The following KCNIP4 variants were observed in gnomAD, a reference collection of about 807,000 sequenced individuals.
The protein encoded by KCNIP4 is Kv channel-interacting protein 4.
Under a neutral mutation model 34.0 loss-of-function variants are expected in KCNIP4, and 12 were observed. The ratio of observed to expected loss-of-function variants is 0.35; its 90% CI spans 0.23 to 0.57. The LOEUF (loss-of-function observed/expected upper bound fraction) is 0.57, where lower values mean the gene tolerates loss of function less well. KCNIP4 is among the 20% of genes least tolerant of loss of function. The probability of loss-of-function intolerance (pLI) is 0.83; values close to 1 mark genes in which losing one functional copy is unlikely to be tolerated. For missense variants in KCNIP4, 238 were observed against 311.7 expected, an observed-to-expected ratio of 0.76 and a Z score of 1.78; for synonymous variants, 124 against 102.2, an observed-to-expected ratio of 1.21 and a Z score of -1.29.
intron 1 of KCNIP4, among the ~76,000 whole-genome samples, chr4:21,782,667 C>A: frequency 6.6e-6 from 1 of 152,156 alleles, no homozygotes; most frequent in East Asian, 1.9e-4. Flanking sequence ...CACTGCACTC[C>A]AGCCTGAGAG....
intron 1 of KCNIP4, among the ~76,000 whole-genome samples, chr4:20,922,354 A>C (rs561914678): frequency 6.6e-6 from 1 of 152,226 alleles, no homozygotes; most frequent in South Asian, 2.1e-4. Context: ...AAGGCAAATT[A>C]TTTCTTTCTT....
At chr4:21,077,787 G>A (rs1028703588) in intron 1 of KCNIP4, among the ~76,000 whole-genome samples, 3 of 152,098 alleles carry the variant, frequency 2.0e-5, no homozygotes, top group South Asian at 2.1e-4. Flanking sequence ...TTATTATAAT[G>A]TAATAATTGT....
intron 2 of KCNIP4, among the ~76,000 whole-genome samples, chr4:20,854,974 C>A (rs10516363): frequency 0.46 from 70,439 of 152,030 alleles, 18,888 homozygotes; most frequent in African/African-American, 0.75. Context: ...ATGCTGTGAA[C>A]TTTAATGTAG....
chr4:21,118,528 C>T (rs1286144403), intron 1 of KCNIP4, among the ~76,000 whole-genome samples: 2 of 152,166 alleles, frequency 1.3e-5, no homozygotes, highest in Admixed American at 1.3e-4. Context: ...CCGTGTCTGC[C>T]TTTGAGTCTT....
chr4:20,960,499 C>A (rs1347550931), intron 1 of KCNIP4, among the ~76,000 whole-genome samples: 1 of 152,202 alleles, frequency 6.6e-6, no homozygotes, highest in Non-Finnish European at 1.5e-5. Context: ...TGCTCTGCCC[C>A]CTGTGCCCAG....
intron 1 of KCNIP4, among the ~76,000 whole-genome samples, chr4:21,783,419 TATAA>T (rs1719698457): frequency 6.6e-6 from 1 of 152,048 alleles, no homozygotes; most frequent in Admixed American, 6.6e-5. Context: ...CAGGCCTAAA[TATAA>T]ATAATGTGGA....
intron 3 of KCNIP4, among the ~76,000 whole-genome samples, chr4:20,762,647 A>G (rs1755048169): frequency 6.6e-6 from 1 of 152,242 alleles, no homozygotes; most frequent in South Asian, 2.1e-4. Context: ...TGTAAAACAT[A>G]AACAATGTGC....
chr4:20,954,821 C>A (rs1733129385), intron 1 of KCNIP4, among the ~76,000 whole-genome samples: 1 of 152,210 alleles, frequency 6.6e-6, no homozygotes, highest in Non-Finnish European at 1.5e-5. Flanking sequence ...CTGCCTTATG[C>A]TATTCCTCAC....
chr4:21,453,440 C>T (rs1034190390), intron 1 of KCNIP4, among the ~76,000 whole-genome samples: 24 of 152,056 alleles, frequency 1.6e-4, no homozygotes, highest in African/African-American at 5.1e-4. Context: ...CACAATTTGG[C>T]GATGTCTCTG....
chr4:21,313,905 C>A (rs1172862837), intron 1 of KCNIP4, among the ~76,000 whole-genome samples: 1 of 152,164 alleles, frequency 6.6e-6, no homozygotes, highest in Non-Finnish European at 1.5e-5. Context: ...TGACTTAGAA[C>A]AACACAAATT....
chr4:21,417,525 GTTC>G (rs1270107428), intron 1 of KCNIP4, among the ~76,000 whole-genome samples: 2 of 152,140 alleles, frequency 1.3e-5, no homozygotes, highest in Non-Finnish European at 2.9e-5. Context: ...GCATTTGCAA[GTTC>G]TTCTCCTCTG....
At chr4:21,472,404 A>T (rs1258785526) in intron 1 of KCNIP4, among the ~76,000 whole-genome samples, 2 of 152,154 alleles carry the variant, frequency 1.3e-5, no homozygotes, top group Non-Finnish European at 2.9e-5. Flanking sequence ...CATGAGTGAG[A>T]AAACCAATTT....
intron 1 of KCNIP4, among the ~76,000 whole-genome samples, chr4:21,352,384 A>G (rs956335781): frequency 6.6e-6 from 1 of 152,212 alleles, no homozygotes; most frequent in Admixed American, 6.5e-5. Flanking sequence ...AAAGGAAGCC[A>G]TGATAGACTG....
intron 1 of KCNIP4, among the ~76,000 whole-genome samples, chr4:21,570,885 A>G (rs138081035): frequency 2.0e-5 from 3 of 152,262 alleles, no homozygotes; most frequent in East Asian, 1.9e-4. Flanking sequence ...CCTATTTTAT[A>G]TGGGAAGTAA....
intron 1 of KCNIP4, among the ~76,000 whole-genome samples, chr4:20,895,926 T>C (rs1173568438): frequency 6.6e-6 from 1 of 152,218 alleles, no homozygotes; most frequent in Non-Finnish European, 1.5e-5. Context: ...TCTTAAGAAC[T>C]GTAGACTTTT....
At chr4:21,125,803 G>C (rs1314283960) in intron 1 of KCNIP4, among the ~76,000 whole-genome samples, 10 of 152,026 alleles carry the variant, frequency 6.6e-5, no homozygotes, top group Admixed American at 6.6e-4. Context: ...GAAGTAAAAA[G>C]GGTCACATCA....
chr4:21,102,367 T>A (rs11939493), intron 1 of KCNIP4, among the ~76,000 whole-genome samples: 1 of 152,138 alleles, frequency 6.6e-6, no homozygotes, highest in Non-Finnish European at 1.5e-5. Flanking sequence ...AGCTATATAA[T>A]TCAAGGGCAA....
chr4:20,758,734 A>G (rs1754690569), intron 4 of KCNIP4, 87 bp downstream of exon 4: 1 of 947,224 alleles, frequency 1.1e-6, no homozygotes, highest in South Asian at 1.5e-5. Context: ...TTAAAAATGT[A>G]GCATCATGCT....
At chr4:21,073,420 G>T (rs1295025818) in intron 1 of KCNIP4, among the ~76,000 whole-genome samples, 3 of 152,188 alleles carry the variant, frequency 2.0e-5, no homozygotes, top group Admixed American at 6.5e-5. Flanking sequence ...GTGAATGGAA[G>T]TTCACTCATG....
Sources: gnomAD v4.1 joint callset for allele counts (sites outside exome capture counted in the v4.1 genomes callset) on GRCh38, gnomAD v4.1.1 for gene constraint, MANE v1.5 for transcripts, NCBI Gene and HGNC (gene_info 2026-07-23, HGNC 2026-07-21) for gene names.